The following LINGO2 variants were observed in gnomAD, a reference collection of about 807,000 sequenced individuals.
LINGO2 encodes leucine-rich repeat and immunoglobulin-like domain-containing nogo receptor-interacting protein 2.
In LINGO2, 14 loss-of-function variants were observed where a neutral mutation model predicts 30.6. That is an observed-to-expected ratio of 0.46 (90% CI 0.30 to 0.72). LINGO2 has a LOEUF of 0.72. Among genes scored for constraint, LINGO2 ranks in the 30% least tolerant of loss-of-function variants. The pLI, the probability that LINGO2 is intolerant of heterozygous loss-of-function variation, is 0.07. For missense variants in LINGO2, 729 were observed against 751.7 expected, an observed-to-expected ratio of 0.97 and a Z score of 0.35; for synonymous variants, 317 against 288.5, an observed-to-expected ratio of 1.10 and a Z score of -1.00.
chr9:28,629,886 A>G (rs1826852875), intron 1 of LINGO2, among the ~76,000 whole-genome samples: 2 of 152,048 alleles, frequency 1.3e-5, no homozygotes, highest in South Asian at 2.1e-4. Flanking sequence ...AGTTTCATCT[A>G]GCATTAGGTA....
chr9:28,899,034 A>G, the LINGO2 span, among the ~76,000 whole-genome samples: 5 of 143,886 alleles, frequency 3.5e-5, no homozygotes, highest in South Asian at 1.1e-3. Context: ...TCTCACGGAA[A>G]CATTAATTTG....
intron 4 of LINGO2, among the ~76,000 whole-genome samples, chr9:28,059,391 ACTGT>A (rs1169164118): frequency 2.0e-5 from 3 of 151,894 alleles, no homozygotes; most frequent in Non-Finnish European, 4.4e-5. Flanking sequence ...TGTTTCTCGA[ACTGT>A]CTTTTTCTCA....
chr9:28,065,355 T>C (rs952065691), intron 4 of LINGO2, among the ~76,000 whole-genome samples: 1 of 152,034 alleles, frequency 6.6e-6, no homozygotes, highest in East Asian at 1.9e-4. Flanking sequence ...CTTTTCAAAA[T>C]ACTTGTTAAA....
chr9:28,905,202 C>A, the LINGO2 span, among the ~76,000 whole-genome samples: 2 of 151,170 alleles, frequency 1.3e-5, no homozygotes, highest in African/African-American at 4.9e-5. Context: ...AAGCTCCACG[C>A]CATTGGTCTA....
the LINGO2 span, among the ~76,000 whole-genome samples, chr9:28,741,805 G>T: frequency 6.6e-6 from 1 of 151,642 alleles, no homozygotes; most frequent in African/African-American, 2.4e-5. Flanking sequence ...TGCGTGTGCT[G>T]CCCTGATGAG....
At position 28,129,353 on chromosome 9, in the gene LINGO2, G is replaced by A. The variant is rs1827322620; in HGVS notation, c.-86-116948C>T. Among the ~76,000 whole-genome samples the A allele has an allele frequency of 6.6e-6, 1 of 152,148 alleles. No homozygotes were observed. Among genetic ancestry groups the A allele is most frequent in the African/African-American group, 2.4e-5 (1 of 41,424 alleles). ...ACCCATGTTTGGTTCTTGTTTTGTT[G>A]TGTAACTGTGTACTTCCATAGCTCC... On this transcript the variant is annotated intron_variant, in intron 4 of 5. Transcript: ENST00000379992. This position sits in a 1 kb window ranked among gnomAD's most constrained non-coding sequence, Gnocchi z 4.0.
At chr9:28,556,530 A>G (rs1004486540) in intron 1 of LINGO2, among the ~76,000 whole-genome samples, 3 of 152,148 alleles carry the variant, frequency 2.0e-5, no homozygotes, top group African/African-American at 4.8e-5. Flanking sequence ...TTCCATGCTC[A>G]TGGGTAGGAA....
the LINGO2 span, among the ~76,000 whole-genome samples, chr9:29,074,773 C>A: frequency 6.7e-6 from 1 of 149,028 alleles, no homozygotes; most frequent in Non-Finnish European, 1.5e-5. Context: ...GCAGCCTCTG[C>A]CTCCCAGGTT....
intron 3 of LINGO2, among the ~76,000 whole-genome samples, chr9:28,335,750 T>G (rs1315829267): frequency 2.0e-5 from 3 of 152,180 alleles, no homozygotes; most frequent in Non-Finnish European, 4.4e-5. Flanking sequence ...CTGACATTTT[T>G]GAAAGCATTC....
the LINGO2 span, among the ~76,000 whole-genome samples, chr9:28,751,621 G>A: frequency 6.6e-6 from 1 of 151,952 alleles, no homozygotes; most frequent in Non-Finnish European, 1.5e-5. Context: ...TTTCATATAT[G>A]TGATGCTACT....
the LINGO2 span, among the ~76,000 whole-genome samples, chr9:28,692,499 T>C: frequency 6.6e-6 from 1 of 152,008 alleles, no homozygotes; most frequent in Admixed American, 6.6e-5. Context: ...AAAATAAAAA[T>C]AAAGTGACAA....
At chr9:27,987,426 C>T (rs189504874) in intron 5 of LINGO2, among the ~76,000 whole-genome samples, 1 of 151,846 alleles carries the variant, frequency 6.6e-6, no homozygotes, top group East Asian at 2.0e-4. Context: ...AGGTATGTGT[C>T]ACTGTGCCTG....
the LINGO2 span, among the ~76,000 whole-genome samples, chr9:28,933,242 G>A: frequency 1.3e-5 from 2 of 151,922 alleles, no homozygotes; most frequent in African/African-American, 4.8e-5. Context: ...CCATACTATT[G>A]CCTGAGGGAT....
At chr9:28,687,738 C>A in the LINGO2 span, among the ~76,000 whole-genome samples, 147 of 152,156 alleles carry the variant, frequency 9.7e-4, no homozygotes, top group African/African-American at 3.2e-3. Context: ...AAAGTCCTGA[C>A]AATTATGGTG....
chr9:28,586,073 C>T (rs1824523784), intron 1 of LINGO2, among the ~76,000 whole-genome samples: 1 of 151,762 alleles, frequency 6.6e-6, no homozygotes. Context: ...TAAACTACAG[C>T]AGTAGAAACA....
chr9:28,124,885 A>C (rs1468525057), intron 4 of LINGO2, among the ~76,000 whole-genome samples: 2 of 152,240 alleles, frequency 1.3e-5, no homozygotes, highest in African/African-American at 4.8e-5. Context: ...AAATACTACC[A>C]GTAATAATAT....
chr9:28,343,324 A>G (rs1468894452), intron 3 of LINGO2, among the ~76,000 whole-genome samples: 3 of 152,172 alleles, frequency 2.0e-5, no homozygotes, highest in Non-Finnish European at 4.4e-5. Flanking sequence ...ACATACATAT[A>G]TACATTCCTC....
chr9:28,849,395 A>G, the LINGO2 span, among the ~76,000 whole-genome samples: 3 of 152,070 alleles, frequency 2.0e-5, no homozygotes, highest in African/African-American at 7.2e-5. Flanking sequence ...TGTTTCATCT[A>G]GAATGTAACC....
At chr9:28,848,789 T>A in the LINGO2 span, among the ~76,000 whole-genome samples, 1 of 151,824 alleles carries the variant, frequency 6.6e-6, no homozygotes. Flanking sequence ...AATCCCATCC[T>A]GAGTTTTATT....
Sources: gnomAD v4.1 joint callset for allele counts (sites outside exome capture counted in the v4.1 genomes callset) on GRCh38, gnomAD v4.1.1 for gene constraint, Gnocchi (gnomAD v3.1) non-coding constraint, MANE v1.5 for transcripts, NCBI Gene and HGNC (gene_info 2026-07-23, HGNC 2026-07-21) for gene names.